Variants in OGFOD3 observed in about 807,000 individuals in gnomAD.
The protein encoded by OGFOD3 is 2-oxoglutarate and iron-dependent oxygenase domain-containing protein 3.
In OGFOD3, 35 loss-of-function variants were observed where a neutral mutation model predicts 39.8. The ratio of observed to expected loss-of-function variants is 0.88; its 90% CI spans 0.67 to 1.17. The LOEUF is 1.17. OGFOD3 is among the 50% of genes most tolerant of loss of function. The pLI, the probability that OGFOD3 is intolerant of heterozygous loss-of-function variation, is 0.00. For synonymous variants in OGFOD3, 200 were observed against 192.0 expected, an observed-to-expected ratio of 1.04 and a Z score of -0.34; for missense variants, 438 against 454.5, an observed-to-expected ratio of 0.96 and a Z score of 0.33.
At chr17:82,398,700 C>CT (rs1238863021) in intron 7 of OGFOD3, among the ~76,000 whole-genome samples, 2,099 of 143,108 alleles carry the variant, frequency 0.015, 53 homozygotes, top group African/African-American at 0.051. Context: ...AACCCAGCCT[C>CT]TTTTTTTTTT....
intron 8 of OGFOD3, chr17:82,393,363 A>G (rs1182685840): frequency 6.6e-6 from 1 of 152,130 alleles, no homozygotes; most frequent in African/African-American, 2.4e-5. Context: ...TGCAAACTTC[A>G]CTCGATCTTT....
At chr17:82,414,205 G>A (rs1005172014) in intron 2 of OGFOD3, among the ~76,000 whole-genome samples, 8 of 152,122 alleles carry the variant, frequency 5.3e-5, no homozygotes, top group African/African-American at 1.7e-4. Flanking sequence ...TAGGTTCACT[G>A]CAGCCCTGAC....
intron 8 of OGFOD3, among the ~76,000 whole-genome samples, chr17:82,397,863 G>A (rs769581096): frequency 1.3e-5 from 2 of 152,032 alleles, no homozygotes; most frequent in African/African-American, 2.4e-5. Flanking sequence ...GGGTACAGAG[G>A]TGAACGCACT....
At chr17:82,408,481 C>T (rs4789768) in intron 4 of OGFOD3, among the ~76,000 whole-genome samples, 1,626 of 152,266 alleles carry the variant, frequency 0.011, 15 homozygotes, top group Non-Finnish European at 0.014. Context: ...CCACAGCCGG[C>T]GGTGGCTCCA....
chr17:82,397,915 A>T (rs952088858), intron 8 of OGFOD3, among the ~76,000 whole-genome samples: 3 of 152,152 alleles, frequency 2.0e-5, no homozygotes, highest in East Asian at 1.9e-4. Context: ...AAGGTGACAC[A>T]CACCAGGGAG....
rs2053014218 is a variant in OGFOD3 at position 82,415,342 on chromosome 17, C to T, written c.304+56G>A. ...CCCAATTCCCACCCCTTCGTCGCAGCCAATGTCCTTTAACCACACTGAGTC... is the reference window on the plus strand; with the variant it reads ...CCCAATTCCCACCCCTTCGTCGCAGTCAATGTCCTTTAACCACACTGAGTC... On this transcript the variant is annotated intron_variant, in intron 2 of 8. Coordinates refer to ENST00000313056, the MANE Select transcript of OGFOD3 (RefSeq NM_024648.3). This position sits in a 1 kb window ranked among gnomAD's most constrained non-coding sequence, Gnocchi z 5.3. 6.5e-7 allele frequency: 1 copy of T among 1,538,044 alleles called. No individual in the cohort carries two copies. Among genetic ancestry groups the T allele is most frequent in the African/African-American group, 1.4e-5 (1 of 73,530 alleles).
intron 7 of OGFOD3, among the ~76,000 whole-genome samples, chr17:82,398,903 G>A (rs1300521589): frequency 1.6e-5 from 2 of 127,384 alleles, no homozygotes; most frequent in Non-Finnish European, 3.3e-5. Context: ...TTTTTTTGTA[G>A]AGATGGCATC....
In OGFOD3 at chr17:82,404,741, CTTTTTTTTTT is replaced by C. The variant is rs869251737; in HGVS notation, c.545+573_545+582del. On this transcript the variant is annotated intron_variant, in intron 6 of 8. Transcript: ENST00000313056. This position sits in a 1 kb window ranked among gnomAD's most constrained non-coding sequence, Gnocchi z 4.5. ...CCAGCAGAATTTTTTCTTTTCTTTT[CTTTTTTTTTT>C]TTTTTTTTGAGATGAGGCTTGTTCT... Among the ~76,000 whole-genome samples, 1 of 133,188 alleles carries C rather than the reference CTTTTTTTTTT, an allele frequency of 7.5e-6. No individual in the cohort carries two copies. The highest frequency in any genetic ancestry group is 2.8e-5 in the African/African-American group (1 of 35,400). 87.4% of individuals were successfully genotyped at this position (133,188 alleles called of 152,430 possible).
chr17:82,390,742 G>T lies in OGFOD3; in HGVS notation c.*1656C>A, dbSNP rs2052589329. 5.5e-6 allele frequency: 1 copy of T among 181,182 alleles called. No individual in the cohort carries two copies. Among genetic ancestry groups the T allele is most frequent in the Non-Finnish European group, 1.2e-5 (1 of 83,972 alleles). The allele number at this position is 181,182 out of a possible 1,614,324, so 11.2% of individuals were successfully genotyped here. A position where few individuals can be genotyped will look rare whatever the true frequency, so the allele number is the denominator to read the frequency against. On this transcript the variant is annotated 3_prime_UTR_variant, in exon 9 of 9. Transcript: ENST00000313056. This position sits in a 1 kb window ranked among gnomAD's most constrained non-coding sequence, Gnocchi z 4.9. ...CGTACCCAGGGGTCACCATGCCTCAGCTGGCCTCACGCCCGCTCCTTCCCA... is the reference window on the plus strand; with the variant it reads ...CGTACCCAGGGGTCACCATGCCTCATCTGGCCTCACGCCCGCTCCTTCCCA...
chr17:82,418,518 C>T lies in OGFOD3; in HGVS notation c.-33G>A, dbSNP rs563695420. On this transcript the variant is annotated 5_prime_UTR_variant, in exon 1 of 9. Transcript: ENST00000313056. ...GGCCGCCGCGGAGCCGGGCCGGACG[C>T]GGGCGCCAGGCCCGGGGACGAACGC... is the stretch of plus-strand genomic sequence containing the variant. 1.2e-4 allele frequency: 148 copies of T among 1,285,388 alleles called. No individual in the cohort carries two copies. In the African/African-American group the frequency reaches 2.0e-3, roughly 18 times the overall value. The allele number at this position is 1,285,388 out of a possible 1,614,324, so 79.6% of individuals were successfully genotyped here.
Position 82,406,162 on chromosome 17 carries a change from C to T in OGFOD3, c.488+256G>A, listed in dbSNP as rs1004707293. On this transcript the variant is annotated intron_variant, in intron 5 of 8. Transcript: ENST00000313056. The surrounding 1 kb of genome is among the most constrained non-coding windows in gnomAD (Gnocchi z 5.2). ...CCCATCCCTTCTGTCCCTGGGCCCA[C>T]AAAAACACCAGATTCCCCTAAAGCT... 1.3e-5 allele frequency among the ~76,000 whole-genome samples: 2 copies of T among 152,142 alleles called. No homozygotes were observed. Among genetic ancestry groups the T allele is most frequent in the Admixed American group, 1.3e-4 (2 of 15,266 alleles).
intron 1 of OGFOD3, among the ~76,000 whole-genome samples, chr17:82,416,678 T>TA (rs1555614058): frequency 5.2e-5 from 6 of 115,976 alleles, no homozygotes; most frequent in Non-Finnish European, 1.0e-4. Flanking sequence ...TATTTATTAT[T>TA]TTTTTTTTTG....
At chr17:82,398,577 TTAG>T (rs990096690) in intron 7 of OGFOD3, among the ~76,000 whole-genome samples, 1 of 152,078 alleles carries the variant, frequency 6.6e-6, no homozygotes, top group Admixed American at 6.5e-5. Flanking sequence ...TTTTGTATTT[TTAG>T]TAGAGACAGG....
Position 82,394,282 on chromosome 17 carries a change from G to A in OGFOD3, c.824-1748C>T, listed in dbSNP as rs1291765522. On this transcript the variant is annotated intron_variant, in intron 8 of 8. Transcript: ENST00000313056. ...TGGGATTACAGGCGTGAGCCACCAC[G>A]CCCGGCCTAAGATGCACTTTCTTTA... The A allele has an allele frequency of 6.0e-5, 88 of 1,463,464 alleles. 1 individual carries two copies. In the Middle Eastern group the frequency reaches 9.1e-4, roughly 15 times the overall value. The allele number at this position is 1,463,464 out of a possible 1,614,324, so 90.7% of individuals were successfully genotyped here.
Position 82,393,439 on chromosome 17 carries a change from C to T in OGFOD3, c.824-905G>A, listed in dbSNP as rs552046835. On this transcript the variant is annotated intron_variant, in intron 8 of 8. Coordinates refer to ENST00000313056, the MANE Select transcript of OGFOD3 (RefSeq NM_024648.3). ...TAGCTTCAAGAGGGAGTCAGTTGCA[C>T]TGTGCCTGGAAATAGTGGAGCAAAA... 2.0e-5 allele frequency: 3 copies of T among 152,384 alleles called. No individual in the cohort carries two copies. The South Asian group carries it at 6.2e-4, about 32-fold the overall frequency. 9.4% of individuals were successfully genotyped at this position (152,384 alleles called of 1,614,324 possible).
intron 8 of OGFOD3, chr17:82,396,405 A>G (rs1013435501): frequency 6.6e-6 from 1 of 151,924 alleles, no homozygotes; most frequent in African/African-American, 2.4e-5. Context: ...AGACAGATGT[A>G]CGACATCAAA....
rs1257118444 is a variant in OGFOD3, at chr17:82,404,214, T to A, written c.546-124A>T. The A allele has an allele frequency of 9.1e-7, 1 of 1,095,648 alleles. No homozygotes were observed. Among genetic ancestry groups the A allele is most frequent in the Admixed American group, 2.9e-5 (1 of 34,454 alleles). The allele number at this position is 1,095,648 out of a possible 1,614,324, so 67.9% of individuals were successfully genotyped here. A position where few individuals can be genotyped will look rare whatever the true frequency, so the allele number is the denominator to read the frequency against. On this transcript the variant is annotated intron_variant, in intron 6 of 8. Transcript: ENST00000313056. The surrounding 1 kb of genome is among the most constrained non-coding windows in gnomAD (Gnocchi z 4.5). ...GGCTCCGGGCCCGCGGGGCGGGGGC[T>A]CCCAAGCACACCGGGAACAGATACC...
At chr17:82,394,501 A>G (rs1227539136) in intron 8 of OGFOD3, 1 of 1,613,398 alleles carries the variant, frequency 6.2e-7, no homozygotes, top group East Asian at 2.2e-5. Context: ...CGGTCCATTA[A>G]CTTCTTGGAA....
chr17:82,391,066 GAGGAGGGACCGAGGC>G lies in OGFOD3; in HGVS notation c.*1317_*1331del, dbSNP rs1393012463. ...TGGATCTATGCCAGACAGGCTAAGG[GAGGAGGGACCGAGGC>G]AGGAGGGGCTGAGGGAGGAGGTGCT... On this transcript the variant is annotated 3_prime_UTR_variant, in exon 9 of 9. Transcript: ENST00000313056. This position sits in a 1 kb window ranked among gnomAD's most constrained non-coding sequence, Gnocchi z 5.1. 6.4e-6 allele frequency: 1 copy of G among 156,166 alleles called. No homozygotes were observed. Among genetic ancestry groups the G allele is most frequent in the African/African-American group, 2.4e-5 (1 of 41,466 alleles). 9.7% of individuals were successfully genotyped at this position (156,166 alleles called of 1,614,324 possible). A position where few individuals can be genotyped will look rare whatever the true frequency, so the allele number is the denominator to read the frequency against.
Sources: gnomAD v4.1 joint callset for allele counts (sites outside exome capture counted in the v4.1 genomes callset) on GRCh38, gnomAD v4.1.1 for gene constraint, Gnocchi (gnomAD v3.1) non-coding constraint, MANE v1.5 for transcripts, NCBI Gene and HGNC (gene_info 2026-07-23, HGNC 2026-07-21) for gene names.